Variants in TRAPPC3 observed in about 807,000 individuals in gnomAD.
The protein encoded by TRAPPC3 is trafficking protein particle complex 3.
A neutral mutation model predicts 18.2 loss-of-function variants in TRAPPC3; 5 were observed. That is an observed-to-expected ratio of 0.28 (90% CI 0.14 to 0.58). The LOEUF is 0.58. TRAPPC3 is among the 20% of genes least tolerant of loss of function. TRAPPC3 has a pLI of 0.91. For synonymous variants in TRAPPC3, 65 were observed against 84.2 expected, an observed-to-expected ratio of 0.77 and a Z score of 1.25; for missense variants, 176 against 225.9, an observed-to-expected ratio of 0.78 and a Z score of 1.41.
At chr1:36,148,182 C>T (rs1644228190) in intron 1 of TRAPPC3, among the ~76,000 whole-genome samples, 1 of 152,150 alleles carries the variant, frequency 6.6e-6, no homozygotes, top group Non-Finnish European at 1.5e-5. Context: ...GTCTTTTGGC[C>T]GGGTGTGGTG....
intron 1 of TRAPPC3, among the ~76,000 whole-genome samples, chr1:36,148,921 C>T (rs1351160922): frequency 6.6e-6 from 1 of 152,178 alleles, no homozygotes; most frequent in Non-Finnish European, 1.5e-5. Flanking sequence ...ATCCTAACTT[C>T]CCAGGTGTAA....
intron 3 of TRAPPC3, among the ~76,000 whole-genome samples, chr1:36,138,682 C>T (rs1025131707): frequency 1.3e-5 from 2 of 152,146 alleles, no homozygotes; most frequent in African/African-American, 4.8e-5. Context: ...GTCCATTATT[C>T]ATTTACTCCT....
At chr1:36,149,591 G>T, upstream of TRAPPC3, 1 of 617,216 alleles carries the variant, frequency 1.6e-6, no homozygotes, top group Non-Finnish European at 2.9e-6. Flanking sequence ...ACACCCAACA[G>T]CCCCTTTGGC....
At chr1:36,148,995 C>T (rs1397490732) in intron 1 of TRAPPC3, 2 of 1,068,462 alleles carry the variant, frequency 1.9e-6, no homozygotes, top group African/African-American at 3.2e-5. Context: ...CTGATAGGGG[C>T]TACTCTGCAG....
At chr1:36,149,131 C>T (rs1644243756) in intron 1 of TRAPPC3, 2 of 1,451,174 alleles carry the variant, frequency 1.4e-6, no homozygotes, top group Non-Finnish European at 1.8e-6. Flanking sequence ...GCACTCAGGC[C>T]TTGGGGGCGG....
upstream of TRAPPC3, among the ~76,000 whole-genome samples, chr1:36,151,447 A>T (rs75906371): frequency 0.069 from 10,039 of 145,368 alleles, 877 homozygotes; most frequent in East Asian, 0.28. Flanking sequence ...AATAAAAATT[A>T]AAAAAAACAA....
intron 1 of TRAPPC3, among the ~76,000 whole-genome samples, chr1:36,141,821 G>A (rs1335856171): frequency 6.6e-6 from 1 of 152,036 alleles, no homozygotes; most frequent in African/African-American, 2.4e-5. Flanking sequence ...AGCTGGGTGT[G>A]GTGGCGCGTG....
At chr1:36,141,958 C>CAA (rs71053907) in intron 1 of TRAPPC3, among the ~76,000 whole-genome samples, 121 of 63,944 alleles carry the variant, frequency 1.9e-3, no homozygotes, top group South Asian at 3.8e-3. Context: ...ATTCCGTCTC[C>CAA]AAAAAAAAAA....
At chr1:36,144,600 A>C (rs887967470) in intron 1 of TRAPPC3, among the ~76,000 whole-genome samples, 1 of 152,202 alleles carries the variant, frequency 6.6e-6, no homozygotes, top group Non-Finnish European at 1.5e-5. Flanking sequence ...GCTGCAGTGA[A>C]TTGTGATTAC....
chr1:36,140,171 A>G lies in TRAPPC3; in HGVS notation c.43-5T>C. The G allele has an allele frequency of 6.4e-7, 1 of 1,569,796 alleles. No individual in the cohort carries two copies. ...CAGGGTGAAGAGCTCAGAGCTCTAA[A>G]AGAGATTCAAAAGGCAGTCAGGACC... is the stretch of plus-strand genomic sequence containing the variant. On this transcript the variant is annotated splice_region_variant and splice_polypyrimidine_tract_variant and intron_variant, in intron 1 of 4. Coordinates refer to ENST00000373166, the MANE Select transcript of TRAPPC3 (RefSeq NM_014408.5).
intron 1 of TRAPPC3, chr1:36,155,845 A>C (rs1487611971): frequency 6.6e-6 from 1 of 152,208 alleles, no homozygotes; most frequent in Non-Finnish European, 1.5e-5. Flanking sequence ...CCTCTCCCCC[A>C]GTCCCCGCGG....
At chr1:36,142,381 G>A (rs1644130157) in intron 1 of TRAPPC3, among the ~76,000 whole-genome samples, 1 of 152,188 alleles carries the variant, frequency 6.6e-6, no homozygotes, top group African/African-American at 2.4e-5. Context: ...CCAGAGAATT[G>A]GCACCACTGC....
At chr1:36,146,982 G>A (rs1055573264) in intron 1 of TRAPPC3, among the ~76,000 whole-genome samples, 28 of 152,208 alleles carry the variant, frequency 1.8e-4, no homozygotes, top group Non-Finnish European at 2.9e-5. Flanking sequence ...CTCTTGAGCC[G>A]TTTGCTTGAG....
At chr1:36,152,599 C>T (rs940824149), upstream of TRAPPC3, among the ~76,000 whole-genome samples, 1 of 151,438 alleles carries the variant, frequency 6.6e-6, no homozygotes. Context: ...TGTGAGCCAC[C>T]CCCGCCTGGC....
rs1201587309 is a variant in TRAPPC3 at position 36,144,981 on chromosome 1, G to GC, written c.42+4355dup. On this transcript the variant is annotated intron_variant, in intron 1 of 4. Coordinates refer to ENST00000373166, the MANE Select transcript of TRAPPC3 (RefSeq NM_014408.5). ...TCAGGAGGCCTTTCTTCCCGTTAGT[G>GC]CCCCAAACAAAATGTCAAATCTCCT... Among the ~76,000 whole-genome samples, 3 of 152,044 alleles carry GC rather than the reference G, an allele frequency of 2.0e-5. No individual in the cohort carries two copies. The East Asian group carries it at 5.8e-4, about 29-fold the overall frequency.
chr1:36,144,149 G>A (rs917820420), intron 1 of TRAPPC3, among the ~76,000 whole-genome samples: 7 of 151,822 alleles, frequency 4.6e-5, no homozygotes, highest in African/African-American at 1.7e-4. Context: ...TTAGCTGGGC[G>A]TGGTACTAGG....
At chr1:36,151,524 T>G (rs1053662822), upstream of TRAPPC3, among the ~76,000 whole-genome samples, 1 of 152,018 alleles carries the variant, frequency 6.6e-6, no homozygotes, top group African/African-American at 2.4e-5. Context: ...GGTGGGAAGA[T>G]TGCTTGAGCC....
upstream of TRAPPC3, among the ~76,000 whole-genome samples, chr1:36,150,644 C>T (rs1425426385): frequency 1.3e-5 from 2 of 152,234 alleles, no homozygotes; most frequent in Non-Finnish European, 2.9e-5. Context: ...CCCAGTCCCT[C>T]CCTCAGGGTG....
rs1644039716 is a variant in TRAPPC3 at position 36,137,329 on chromosome 1, G to A, written c.424-7C>T. The A allele has an allele frequency of 2.5e-6, 4 of 1,606,956 alleles. No homozygotes were observed. Among genetic ancestry groups the A allele is most frequent in the Non-Finnish European group, 3.4e-6 (4 of 1,174,058 alleles). ...CCTCCACAGCCATCTGGACCTGGGG[G>A]ACAGTGGGAAAACGAAGGGGTAGCT... On this transcript the variant is annotated splice_polypyrimidine_tract_variant and splice_region_variant and intron_variant, in intron 4 of 4. Transcript: ENST00000373166.
Sources: gnomAD v4.1 joint callset for allele counts (sites outside exome capture counted in the v4.1 genomes callset) on GRCh38, gnomAD v4.1.1 for gene constraint, MANE v1.5 for transcripts, NCBI Gene and HGNC (gene_info 2026-07-23, HGNC 2026-07-21) for gene names.